The following RABEPK variants were observed in gnomAD, a reference collection of about 807,000 sequenced individuals.
RABEPK encodes the protein Rab9 effector protein with kelch motifs.
Under a neutral mutation model 34.1 loss-of-function variants are expected in RABEPK, and 27 were observed. That is an observed-to-expected ratio of 0.79 (90% CI 0.58 to 1.09). RABEPK has a LOEUF of 1.09. RABEPK is among the 50% of genes least tolerant of loss of function. RABEPK has a pLI of 0.00. For synonymous variants in RABEPK, 172 were observed against 169.2 expected (o/e 1.02, Z -0.13); for missense variants, 449 against 462.6 (o/e 0.97, Z 0.27).
intron 3 of RABEPK, 87 bp downstream of exon 3, chr9:125,207,808 C>T: frequency 6.7e-7 from 1 of 1,491,798 alleles, no homozygotes; most frequent in Non-Finnish European, 9.2e-7. Flanking sequence ...TTCCTAAAAA[C>T]ACCAGCAGGG....
At chr9:125,220,763 TA>T in intron 5 of RABEPK, 63 bp downstream of exon 5, 1 of 1,513,094 alleles carries the variant, frequency 6.6e-7, no homozygotes, top group Non-Finnish European at 8.9e-7. Context: ...TTACCTAATA[TA>T]GGAAGCAGAA....
At chr9:125,232,568 C>G (rs376192822) in intron 6 of RABEPK, 28 bp from the exon 7 acceptor site, 2 of 1,599,630 alleles carry the variant, frequency 1.3e-6, no homozygotes, top group South Asian at 2.3e-5. Flanking sequence ...GCCCATGCTG[C>G]GCCAAAGCTC....
rs561291563 is a variant in RABEPK, at chr9:125,212,828, C to T, written c.212-542C>T. 1.8e-4 allele frequency among the ~76,000 whole-genome samples: 28 copies of T among 151,926 alleles called. 1 individual carries two copies. The South Asian group carries it at 4.6e-3, about 25-fold the overall frequency. On this transcript the variant is annotated intron_variant, in intron 3 of 7. Coordinates refer to ENST00000373538, the MANE Select transcript of RABEPK (RefSeq NM_005833.4). The stretch of plus-strand genomic sequence containing the variant: ...GGGACTACAGGCACGTGCCACTATG[C>T]TTGGCTAATTTTTTGTATTTTAGTA...
At chr9:125,232,572 A>G in intron 6 of RABEPK, 24 bp from the exon 7 acceptor site, 1 of 1,603,784 alleles carries the variant, frequency 6.2e-7, no homozygotes, top group African/African-American at 1.3e-5. Flanking sequence ...ATGCTGCGCC[A>G]AAGCTCTTTC....
chr9:125,220,724 G>C lies in RABEPK; in HGVS notation c.526+24G>C, dbSNP rs756995674. On this transcript the variant is annotated intron_variant, in intron 5 of 7. Transcript: ENST00000373538. ...AAGTATGGACTGGTGGGCACCTTGGGGCTGGTCAGGGCCATCCCAGTTTAC... is the reference window on the plus strand; with the variant it reads ...AAGTATGGACTGGTGGGCACCTTGGCGCTGGTCAGGGCCATCCCAGTTTAC... The C allele has an allele frequency of 2.5e-6, 4 of 1,605,188 alleles. No individual in the cohort carries two copies. The South Asian group carries it at 3.3e-5, about 13-fold the overall frequency.
chr9:125,205,857 C>T (rs1830192907), intron 2 of RABEPK, among the ~76,000 whole-genome samples: 1 of 152,084 alleles, frequency 6.6e-6, no homozygotes, highest in Non-Finnish European at 1.5e-5. Context: ...ATTTGGCAAC[C>T]ACTGATGAAT....
chr9:125,222,991 A>G (rs1366753087), intron 5 of RABEPK, among the ~76,000 whole-genome samples: 2 of 151,654 alleles, frequency 1.3e-5, no homozygotes, highest in African/African-American at 4.8e-5. Context: ...CATTTTTAAT[A>G]AGTGCTTAGG....
At chr9:125,231,494 T>A (rs1362598595) in intron 6 of RABEPK, among the ~76,000 whole-genome samples, 1 of 151,940 alleles carries the variant, frequency 6.6e-6, no homozygotes, top group African/African-American at 2.4e-5. Context: ...TCTTGTTTGC[T>A]CATTTGTAAG....
At chr9:125,222,237 T>A (rs928126650) in intron 5 of RABEPK, 65 of 151,714 alleles carry the variant, frequency 4.3e-4, no homozygotes, top group African/African-American at 1.5e-3. Flanking sequence ...TTGTGATTCT[T>A]TTAAAGCAGT....
chr9:125,207,832 A>C, intron 3 of RABEPK, 111 bp downstream of exon 3: 4 of 1,365,156 alleles, frequency 2.9e-6, no homozygotes, highest in Non-Finnish European at 4.0e-6. Context: ...TCCTATAAGA[A>C]AACATGGCCA....
At chr9:125,228,668 G>GAAA (rs1254213351) in intron 6 of RABEPK, among the ~76,000 whole-genome samples, 18 of 92,064 alleles carry the variant, frequency 2.0e-4, no homozygotes, top group African/African-American at 6.8e-4. Flanking sequence ...CCAAAAAAAA[G>GAAA]AAAAAAAAAA....
intron 6 of RABEPK, among the ~76,000 whole-genome samples, chr9:125,230,787 G>A (rs1451769154): frequency 2.0e-5 from 3 of 151,524 alleles, no homozygotes; most frequent in East Asian, 2.0e-4. Flanking sequence ...CGCCCACCTC[G>A]GCCTCCCAAA....
At chr9:125,224,871 C>T (rs1314876173) in intron 5 of RABEPK, among the ~76,000 whole-genome samples, 2 of 152,168 alleles carry the variant, frequency 1.3e-5, no homozygotes, top group Non-Finnish European at 2.9e-5. Context: ...ATCCCATATT[C>T]TAACCATTAT....
intron 5 of RABEPK, among the ~76,000 whole-genome samples, chr9:125,224,280 A>G (rs920975930): frequency 1.3e-5 from 2 of 152,010 alleles, no homozygotes; most frequent in African/African-American, 4.8e-5. Flanking sequence ...AGAAATGATT[A>G]ATTTTCCAGA....
intron 3 of RABEPK, 127 bp from the exon 4 acceptor site, chr9:125,213,243 T>C: frequency 1.0e-6 from 1 of 962,796 alleles, no homozygotes; most frequent in Non-Finnish European, 1.6e-6. Flanking sequence ...GTTGACAACA[T>C]GCCCTTTAAG....
At position 125,207,633 on chromosome 9, in the gene RABEPK, A is replaced by G. The variant is rs760472268; in HGVS notation, c.123A>G (p.Pro41=). 1.9e-6 allele frequency: 3 copies of G among 1,614,110 alleles called. No individual in the cohort carries two copies. The highest frequency in any genetic ancestry group is 2.5e-6 in the Non-Finnish European group (3 of 1,179,976). The change falls in exon 3 of 8, where the codon CCA becomes CCG. Residue 41 remains proline (P), a synonymous_variant. Transcript: ENST00000373538. ...RVGHSCSYLP[P]VGNAKRGKVF... ...GCCACAGCTGTTCATATTTACCCCC[A>G]GTTGGTAATGCCAAGAGAGGGAAGG...
intron 7 of RABEPK, among the ~76,000 whole-genome samples, chr9:125,233,122 C>T (rs1031707552): frequency 1.3e-5 from 2 of 151,298 alleles, no homozygotes; most frequent in African/African-American, 4.8e-5. Context: ...TGCAGTGCTT[C>T]CAATTTGGTT....
chr9:125,222,958 C>T (rs972275922), intron 5 of RABEPK, among the ~76,000 whole-genome samples: 1 of 151,786 alleles, frequency 6.6e-6, no homozygotes, highest in South Asian at 2.1e-4. Context: ...AGGCATTGAG[C>T]CACACCACCC....
intron 6 of RABEPK, among the ~76,000 whole-genome samples, chr9:125,232,197 C>A (rs1244044645): frequency 1.3e-5 from 2 of 151,080 alleles, no homozygotes; most frequent in Non-Finnish European, 2.9e-5. Context: ...CCGTGCCCGG[C>A]CCAGGAACTG....
Sources: allele counts gnomAD v4.1 joint callset (sites outside exome capture counted in the v4.1 genomes callset), GRCh38; gene constraint gnomAD v4.1.1; transcripts MANE v1.5; gene names NCBI Gene and HGNC (gene_info 2026-07-23, HGNC 2026-07-21).